GPHN: variants seen among roughly 807,000 people sequenced by gnomAD.
The protein encoded by GPHN is gephyrin.
A neutral mutation model predicts 95.5 loss-of-function variants in GPHN; 17 were observed. The observed-to-expected ratio is 0.18, with a 90% confidence interval of 0.12 to 0.27. The LOEUF is 0.27. Among genes scored for constraint, GPHN ranks in the 10% least tolerant of loss-of-function variants. The pLI is 1.00. For missense variants in GPHN, 660 were observed against 978.1 expected (o/e 0.67, Z 4.34); for synonymous variants, 320 against 322.5 (o/e 0.99, Z 0.08).
At chr14:67,026,490 CTG>C (rs1443180172) in intron 10 of GPHN, among the ~76,000 whole-genome samples, 1 of 152,116 alleles carries the variant, frequency 6.6e-6, no homozygotes, top group Non-Finnish European at 1.5e-5. Flanking sequence ...ACAACAAATC[CTG>C]TGAGTAAAAT....
chr14:66,739,520 C>CTTT (rs556885727), intron 2 of GPHN, among the ~76,000 whole-genome samples: 6 of 135,196 alleles, frequency 4.4e-5, no homozygotes, highest in South Asian at 2.4e-4. Flanking sequence ...CCGGCCCCTG[C>CTTT]TTTTTTTTTT....
the GPHN span, among the ~76,000 whole-genome samples, chr14:67,455,214 G>T: frequency 4.6e-3 from 697 of 152,286 alleles, 4 homozygotes; most frequent in African/African-American, 0.016. Flanking sequence ...TCGCCAAGGT[G>T]CTGGCCAGGT....
At chr14:67,320,364 A>G in the GPHN span, 1 of 1,610,362 alleles carries the variant, frequency 6.2e-7, no homozygotes, top group Non-Finnish European at 8.5e-7. Flanking sequence ...GCTCATGAAC[A>G]AAGAAAAGGA....
chr14:66,760,910 G>T, intron 2 of GPHN: 1 of 951,802 alleles, frequency 1.1e-6, no homozygotes, highest in Non-Finnish European at 1.6e-6. Flanking sequence ...AAGAAGTCAA[G>T]CAAAACATCC....
At chr14:66,846,114 T>G (rs2062326620) in intron 4 of GPHN, among the ~76,000 whole-genome samples, 1 of 152,174 alleles carries the variant, frequency 6.6e-6, no homozygotes, top group Non-Finnish European at 1.5e-5. Flanking sequence ...ACTTTCAATC[T>G]GTTAGGTGAT....
At chr14:67,387,545 G>A in the GPHN span, 1 of 1,283,730 alleles carries the variant, frequency 7.8e-7, no homozygotes, top group Non-Finnish European at 1.1e-6. Context: ...CTGAGACATG[G>A]ACAAAAACAT....
chr14:66,867,788 C>T (rs2063284040), intron 4 of GPHN, among the ~76,000 whole-genome samples: 1 of 152,136 alleles, frequency 6.6e-6, no homozygotes. Flanking sequence ...CAAAGTTGAA[C>T]ATAAAGTGAT....
intron 8 of GPHN, among the ~76,000 whole-genome samples, chr14:66,959,054 T>TA (rs2068723387): frequency 1.3e-5 from 2 of 152,270 alleles, no homozygotes; most frequent in Admixed American, 6.5e-5. Flanking sequence ...ACAATGTAGT[T>TA]TGAATTAATA....
intron 1 of GPHN, among the ~76,000 whole-genome samples, chr14:66,583,166 G>C (rs1416319143): frequency 1.3e-5 from 2 of 151,670 alleles, no homozygotes; most frequent in Non-Finnish European, 1.5e-5. Flanking sequence ...TGTGTTTTTT[G>C]GCTGCATAAA....
chr14:67,135,754 C>G (rs562032976), intron 17 of GPHN, among the ~76,000 whole-genome samples: 1 of 151,940 alleles, frequency 6.6e-6, no homozygotes, highest in Non-Finnish European at 1.5e-5. Flanking sequence ...AAGTCCAACT[C>G]TTCTCAAATA....
At chr14:67,646,915 T>A in the GPHN span, 1 of 1,562,444 alleles carries the variant, frequency 6.4e-7, no homozygotes, top group Non-Finnish European at 8.8e-7. Context: ...TTATATCTCA[T>A]CACAGTTTTA....
chr14:66,545,750 T>C (rs1384231365), intron 1 of GPHN, among the ~76,000 whole-genome samples: 1 of 133,440 alleles, frequency 7.5e-6, no homozygotes, highest in Non-Finnish European at 1.6e-5. Context: ...CCCCCCCACC[T>C]CCCTCCCGGA....
At chr14:66,796,725 C>G (rs1456139234) in intron 3 of GPHN, among the ~76,000 whole-genome samples, 1 of 151,960 alleles carries the variant, frequency 6.6e-6, no homozygotes, top group Non-Finnish European at 1.5e-5. Context: ...GGTCATTAAT[C>G]CCTTGTCCGA....
chr14:67,295,539 TA>T, the GPHN span, among the ~76,000 whole-genome samples: 8 of 148,444 alleles, frequency 5.4e-5, no homozygotes, highest in Non-Finnish European at 7.4e-5. Context: ...ACTACTCGGT[TA>T]AAAAAAAATT....
the GPHN span, among the ~76,000 whole-genome samples, chr14:67,280,700 G>A: frequency 1.3e-5 from 2 of 152,144 alleles, no homozygotes; most frequent in African/African-American, 4.8e-5. Flanking sequence ...TGGCTACCCA[G>A]AATAGAGCAC....
chr14:66,558,104 A>G (rs2060080715), intron 1 of GPHN, among the ~76,000 whole-genome samples: 1 of 152,150 alleles, frequency 6.6e-6, no homozygotes, highest in Non-Finnish European at 1.5e-5. Context: ...AAAACCTGAG[A>G]AAATGATTTT....
At chr14:66,703,347 ATTC>A (rs1595612696) in intron 2 of GPHN, among the ~76,000 whole-genome samples, 1 of 152,302 alleles carries the variant, frequency 6.6e-6, no homozygotes, top group East Asian at 1.9e-4. Flanking sequence ...TAATCATCAG[ATTC>A]TCCAAGGACA....
At chr14:67,062,769 GT>G (rs1241709173) in intron 11 of GPHN, among the ~76,000 whole-genome samples, 1 of 152,056 alleles carries the variant, frequency 6.6e-6, no homozygotes, top group Admixed American at 6.6e-5. Flanking sequence ...GGGTTGTTTG[GT>G]TTTTTTCTTG....
chr14:67,694,465 CAT>C, the GPHN span, among the ~76,000 whole-genome samples: 7 of 103,092 alleles, frequency 6.8e-5, no homozygotes, highest in South Asian at 2.8e-4. Context: ...CACACACACA[CAT>C]ATATATATAT....
Sources: gnomAD v4.1 joint callset for allele counts (sites outside exome capture counted in the v4.1 genomes callset) on GRCh38, gnomAD v4.1.1 for gene constraint, MANE v1.5 for transcripts, NCBI Gene and HGNC (gene_info 2026-07-23, HGNC 2026-07-21) for gene names.